The following RBFOX1 variants were observed in gnomAD, a reference collection of about 807,000 sequenced individuals.
RBFOX1 encodes RNA binding protein fox-1 homolog 1.
In RBFOX1, 8 loss-of-function variants were observed where a neutral mutation model predicts 57.7. That is an observed-to-expected ratio of 0.14 (90% confidence interval 0.08 to 0.25). RBFOX1 has a LOEUF of 0.25. Ranked by LOEUF, RBFOX1 falls within the 10% of genes least tolerant of loss-of-function variation. The pLI is 1.00. For missense variants in RBFOX1, 611 were observed against 548.5 expected, an observed-to-expected ratio of 1.11 and a Z score of -1.14; for synonymous variants, 326 against 222.4, an observed-to-expected ratio of 1.47 and a Z score of -4.15.
At chr16:6,318,757 A>T (rs978917108) in intron 2 of RBFOX1, among the ~76,000 whole-genome samples, 1 of 152,150 alleles carries the variant, frequency 6.6e-6, no homozygotes, top group African/African-American at 2.4e-5. Flanking sequence ...CTAAAGAGAG[A>T]CATTAAAAAA....
chr16:7,399,260 C>T (rs199904649), intron 4 of RBFOX1, among the ~76,000 whole-genome samples: 20 of 152,200 alleles, frequency 1.3e-4, no homozygotes, highest in Admixed American at 1.2e-3. Context: ...CCAGCTTGAC[C>T]AACACGGAGA....
At chr16:6,930,328 C>G (rs892486275) in intron 3 of RBFOX1, among the ~76,000 whole-genome samples, 1 of 152,152 alleles carries the variant, frequency 6.6e-6, no homozygotes, top group Non-Finnish European at 1.5e-5. Context: ...TAAGAAGATA[C>G]CTAACATCAC....
intron 2 of RBFOX1, among the ~76,000 whole-genome samples, chr16:5,547,292 A>T (rs184067697): frequency 2.3e-4 from 35 of 152,358 alleles, no homozygotes; most frequent in South Asian, 1.7e-3. Flanking sequence ...CTCAAACAAC[A>T]CACATGTGCA....
chr16:6,876,908 T>C (rs1377975303), intron 3 of RBFOX1, among the ~76,000 whole-genome samples: 1 of 152,222 alleles, frequency 6.6e-6, no homozygotes, highest in South Asian at 2.1e-4. Context: ...CACCAAGTAC[T>C]GGGTACACTA....
intron 1 of RBFOX1, among the ~76,000 whole-genome samples, chr16:6,215,218 G>A (rs114198636): frequency 3.0e-5 from 4 of 132,460 alleles, no homozygotes; most frequent in African/African-American, 1.2e-4. Flanking sequence ...GGGAGAGGGG[G>A]AGAGACAAAG....
chr16:5,983,647 CGTT>C (rs922934117), intron 4 of RBFOX1, among the ~76,000 whole-genome samples: 6 of 152,128 alleles, frequency 3.9e-5, no homozygotes, highest in African/African-American at 1.4e-4. Context: ...TTCTGACTCT[CGTT>C]GTTATTCTGT....
At position 7,242,412 on chromosome 16, in the gene RBFOX1, C is replaced by G. The variant is rs1054550980; in HGVS notation, c.27+190314C>G. Among the ~76,000 whole-genome samples, 3 of 152,156 alleles carry G rather than the reference C, an allele frequency of 2.0e-5. 1 individual carries two copies. Among genetic ancestry groups the G allele is most frequent in the South Asian group, 4.1e-4 (2 of 4,828 alleles). Reference sequence around the variant, plus strand: ...AGCTTGGGCAAGAAACTAGATCTCTCTGAGCTTTAGTTCTTTTATGTTTGA... The same window carrying G: ...AGCTTGGGCAAGAAACTAGATCTCTGTGAGCTTTAGTTCTTTTATGTTTGA... On this transcript the variant is annotated intron_variant, in intron 4 of 15. Transcript: ENST00000550418.
At chr16:6,828,478 C>T (rs1049198055) in intron 3 of RBFOX1, among the ~76,000 whole-genome samples, 2 of 151,650 alleles carry the variant, frequency 1.3e-5, no homozygotes, top group Non-Finnish European at 2.9e-5. Context: ...CAGTCGACAT[C>T]ACGCCATTGC....
At chr16:6,605,094 C>G (rs1452044111) in intron 2 of RBFOX1, among the ~76,000 whole-genome samples, 2 of 151,968 alleles carry the variant, frequency 1.3e-5, no homozygotes, top group South Asian at 2.1e-4. Context: ...CACAAATTAG[C>G]TGGGCACAGT....
At chr16:6,166,733 T>C (rs901282920) in intron 1 of RBFOX1, among the ~76,000 whole-genome samples, 3 of 152,142 alleles carry the variant, frequency 2.0e-5, no homozygotes, top group African/African-American at 7.2e-5. Context: ...TGGGTTACTC[T>C]GAAGAGCCTC....
At chr16:7,321,706 A>G (rs887115979) in intron 4 of RBFOX1, among the ~76,000 whole-genome samples, 1 of 152,256 alleles carries the variant, frequency 6.6e-6, no homozygotes, top group African/African-American at 2.4e-5. Context: ...TGGCATATAT[A>G]GTTTATTTTA....
intron 3 of RBFOX1, among the ~76,000 whole-genome samples, chr16:6,707,750 C>T (rs970544390): frequency 1.3e-5 from 2 of 152,136 alleles, no homozygotes; most frequent in African/African-American, 4.8e-5. Context: ...GATTCTGCAA[C>T]TTTAGTAGCC....
At chr16:6,879,774 C>A (rs1258193349) in intron 3 of RBFOX1, among the ~76,000 whole-genome samples, 1 of 152,132 alleles carries the variant, frequency 6.6e-6, no homozygotes, top group Non-Finnish European at 1.5e-5. Context: ...ACTAACCCTT[C>A]CTCTGATTTG....
intron 3 of RBFOX1, among the ~76,000 whole-genome samples, chr16:6,787,618 G>C (rs751832279): frequency 4.6e-5 from 7 of 152,064 alleles, no homozygotes; most frequent in Admixed American, 2.0e-4. Context: ...CATCCACTGT[G>C]ACCTTGGAGG....
intron 1 of RBFOX1, among the ~76,000 whole-genome samples, chr16:6,231,637 A>T (rs1033386986): frequency 1.3e-5 from 2 of 152,204 alleles, no homozygotes; most frequent in Non-Finnish European, 2.9e-5. Context: ...TATGTGGAGA[A>T]AAGAGTCTGA....
intron 2 of RBFOX1, among the ~76,000 whole-genome samples, chr16:6,610,698 T>A (rs1199493638): frequency 6.6e-6 from 1 of 152,194 alleles, no homozygotes; most frequent in African/African-American, 2.4e-5. Flanking sequence ...CACTGAAAGA[T>A]CAGATTGCGA....
chr16:5,941,347 G>T (rs973146076), intron 4 of RBFOX1, among the ~76,000 whole-genome samples: 1 of 151,796 alleles, frequency 6.6e-6, no homozygotes, highest in Non-Finnish European at 1.5e-5. Context: ...TAAGTTAGCT[G>T]GGCATGGTAG....
chr16:7,598,583 C>A (rs2094834956), intron 9 of RBFOX1, among the ~76,000 whole-genome samples: 1 of 151,612 alleles, frequency 6.6e-6, no homozygotes, highest in Non-Finnish European at 1.5e-5. Context: ...TTCCTACCTC[C>A]CCCCTCACAG....
intron 4 of RBFOX1, among the ~76,000 whole-genome samples, chr16:7,063,791 G>C (rs1237451004): frequency 6.6e-6 from 1 of 152,188 alleles, no homozygotes; most frequent in Non-Finnish European, 1.5e-5. Flanking sequence ...GATAATAACT[G>C]CTTACATAGC....
Sources: allele counts gnomAD v4.1 joint callset (sites outside exome capture counted in the v4.1 genomes callset), GRCh38; gene constraint gnomAD v4.1.1; transcripts MANE v1.5; gene names NCBI Gene and HGNC (gene_info 2026-07-23, HGNC 2026-07-21).